The following CLSTN3 variants were observed in gnomAD, a reference collection of about 807,000 sequenced individuals.
CLSTN3 encodes calsyntenin-3.
CLSTN3 carries 36 observed loss-of-function variants against 95.9 expected under a neutral mutation model. The ratio of observed to expected loss-of-function variants is 0.38; its 90% CI spans 0.29 to 0.50. The LOEUF is 0.50. CLSTN3 is among the 20% of genes least tolerant of loss of function. The pLI, the probability that CLSTN3 is intolerant of heterozygous loss-of-function variation, is 0.95. For missense variants in CLSTN3, 1,084 were observed against 1,268.8 expected, an observed-to-expected ratio of 0.85 and a Z score of 2.21; for synonymous variants, 481 against 504.0, an observed-to-expected ratio of 0.95 and a Z score of 0.61.
At position 7,135,718 on chromosome 12, in the gene CLSTN3, C is replaced by T; in HGVS notation, c.593-86C>T. Reference sequence around the variant, plus strand: ...AGCGTCCTGCTGCCTAACCTGCCTGCTGCCCGATGATCTCAGACATCCTCC... The same window carrying T: ...AGCGTCCTGCTGCCTAACCTGCCTGTTGCCCGATGATCTCAGACATCCTCC... On this transcript the variant is annotated intron_variant, in intron 4 of 17. Coordinates refer to ENST00000266546, the MANE Select transcript of CLSTN3 (RefSeq NM_014718.4). 2.0e-6 allele frequency: 3 copies of T among 1,492,886 alleles called. No individual in the cohort carries two copies. The South Asian group carries it at 3.9e-5, about 19-fold the overall frequency. The allele number at this position is 1,492,886 out of a possible 1,614,324, so 92.5% of individuals were successfully genotyped here. A position where few individuals can be genotyped will look rare whatever the true frequency, so the allele number is the denominator to read the frequency against.
Position 7,137,410 on chromosome 12 carries a change from A to C in CLSTN3, c.1210+300A>C. Reference sequence around the variant, plus strand: ...CCACCCCCCATCTCCACCTCCATTAAAGCCCCTCCATTGCAATGGGAAAGC... The same window carrying C: ...CCACCCCCCATCTCCACCTCCATTACAGCCCCTCCATTGCAATGGGAAAGC... On this transcript the variant is annotated intron_variant, in intron 7 of 17. Coordinates refer to ENST00000266546, the MANE Select transcript of CLSTN3 (RefSeq NM_014718.4). The surrounding 1 kb of genome is among the most constrained non-coding windows in gnomAD (Gnocchi z 4.4). 1 of 382,718 alleles carries C rather than the reference A, an allele frequency of 2.6e-6. No individual in the cohort carries two copies. The highest frequency in any genetic ancestry group is 4.9e-6 in the Non-Finnish European group (1 of 204,688). The allele number at this position is 382,718 out of a possible 1,614,324, so 23.7% of individuals were successfully genotyped here. A position where few individuals can be genotyped will look rare whatever the true frequency, so the allele number is the denominator to read the frequency against.
At chr12:7,139,297 C>A (rs1317171012) in intron 8 of CLSTN3, among the ~76,000 whole-genome samples, 9 of 152,136 alleles carry the variant, frequency 5.9e-5, no homozygotes, top group African/African-American at 2.2e-4. Flanking sequence ...TTGGGTGCTC[C>A]TGGGGGACCT....
chr12:7,156,603 G>A (rs7296261), intron 16 of CLSTN3: 259,287 of 456,306 alleles, frequency 0.57, 76,293 homozygotes, highest in Admixed American at 0.7. Flanking sequence ...GGCCTGGCTC[G>A]GGTGTGGGGC....
At position 7,141,438 on chromosome 12, in the gene CLSTN3, G is replaced by A. The variant is rs1387137818; in HGVS notation, c.1486+34G>A. On this transcript the variant is annotated intron_variant, in intron 9 of 17. Transcript: ENST00000266546. This position sits in a 1 kb window ranked among gnomAD's most constrained non-coding sequence, Gnocchi z 4.1. ...CTCAGTGAAGACTCCAGTGGTTCAG[G>A]ATTTGGGAAGGGAGGTAGGCTGGTG... 6 of 1,612,988 alleles carry A rather than the reference G, an allele frequency of 3.7e-6. No individual in the cohort carries two copies. The South Asian group carries it at 6.6e-5, about 18-fold the overall frequency.
At chr12:7,144,174 A>C (rs1294021445) in intron 12 of CLSTN3, among the ~76,000 whole-genome samples, 2 of 148,894 alleles carry the variant, frequency 1.3e-5, no homozygotes, top group Non-Finnish European at 3.0e-5. Flanking sequence ...CGGAGGTTTC[A>C]GTGAGCCGAG....
rs1342294164 is a variant in CLSTN3 at position 7,133,449 on chromosome 12, T to C, written c.188-124T>C. ...AGTTGCGTGTTTGATCATTAATGCT[T>C]TTGTGCCTACAGGAGAAGGGACAGG... On this transcript the variant is annotated intron_variant, in intron 2 of 17. Coordinates refer to ENST00000266546, the MANE Select transcript of CLSTN3 (RefSeq NM_014718.4). The surrounding 1 kb of genome is among the most constrained non-coding windows in gnomAD (Gnocchi z 4.7). The C allele has an allele frequency of 1.0e-6, 1 of 963,534 alleles. No individual in the cohort carries two copies. Among genetic ancestry groups the C allele is most frequent in the African/African-American group, 1.6e-5 (1 of 61,182 alleles). 59.7% of individuals were successfully genotyped at this position (963,534 alleles called of 1,614,324 possible).
chr12:7,135,729 T>C, intron 4 of CLSTN3, 75 bp from the exon 5 acceptor site: 1 of 1,519,954 alleles, frequency 6.6e-7, no homozygotes. Flanking sequence ...TGCCCGATGA[T>C]CTCAGACATC....
At position 7,130,668 on chromosome 12, in the gene CLSTN3, C is replaced by G; in HGVS notation, c.20C>G (p.Pro7Arg). Residue 7 changes from proline to arginine, a missense_variant, in exon 1 of 18, where the codon CCC becomes CGC. Transcript: ENST00000266546. ...CGCACCATGACCCTCCTGCTGCTGCCCCTTCTGCTGGCCTCTCTGCTCGCG... is the reference window on the plus strand; with the variant it reads ...CGCACCATGACCCTCCTGCTGCTGCGCCTTCTGCTGGCCTCTCTGCTCGCG... Reference protein sequence around the residue: MTLLLLPLLLASLLASC... With the variant: MTLLLLRLLLASLLASC... The G allele has an allele frequency of 6.4e-7, 1 of 1,573,604 alleles. No homozygotes were observed. Among genetic ancestry groups the G allele is most frequent in the East Asian group, 2.3e-5 (1 of 43,412 alleles).
At chr12:7,155,027 GC>G (rs1939791594) in intron 16 of CLSTN3, among the ~76,000 whole-genome samples, 1 of 151,822 alleles carries the variant, frequency 6.6e-6, no homozygotes, top group African/African-American at 2.4e-5. Context: ...CCCTGGGAGT[GC>G]GGGGGGCAGA....
At position 7,157,474 on chromosome 12, in the gene CLSTN3, G is replaced by A. The variant is rs372313641; in HGVS notation, c.2528-15G>A. ...GCCTAGTCACGCTCTGCTCACCCCC[G>A]CGCTCTCTCTGCAGTGATACCCAGC... On this transcript the variant is annotated splice_polypyrimidine_tract_variant and intron_variant, in intron 16 of 17. Transcript: ENST00000266546. The surrounding 1 kb of genome is among the most constrained non-coding windows in gnomAD (Gnocchi z 5.9). The A allele has an allele frequency of 4.1e-5, 63 of 1,552,650 alleles. No homozygotes were observed. In the African/African-American group the frequency reaches 4.8e-4, roughly 12 times the overall value.
Position 7,135,530 on chromosome 12 carries a change from A to G in CLSTN3, c.587A>G (p.Asn196Ser), listed in dbSNP as rs1939393914. ...LTPNTPFLID[N>S]DGNIENTEKL... ...CCCAACACCCCTTTCCTCATTGACA[A>G]TGACGGTGAGTCCACCCCTGGCTTC... Residue 196 changes from asparagine (N) to serine (S), a missense_variant, in exon 4 of 18, where the codon AAT becomes AGT. By Grantham distance (46) the Asn-to-Ser change is conservative. Transcript: ENST00000266546. The G allele has an allele frequency of 1.2e-6, 2 of 1,613,834 alleles. No homozygotes were observed. The highest frequency in any genetic ancestry group is 1.7e-5 in the Admixed American group (1 of 59,980).
At chr12:7,132,164 A>G (rs1168723807) in intron 1 of CLSTN3, among the ~76,000 whole-genome samples, 2 of 152,128 alleles carry the variant, frequency 1.3e-5, no homozygotes, top group Non-Finnish European at 2.9e-5. Context: ...CTGGTGGTTG[A>G]AGGGAAGAGG....
intron 12 of CLSTN3, among the ~76,000 whole-genome samples, chr12:7,145,068 C>G (rs1051155916): frequency 2.6e-5 from 4 of 152,146 alleles, no homozygotes; most frequent in African/African-American, 4.8e-5. Context: ...AGGGAGGGCT[C>G]TGGTTTTTGG....
intron 12 of CLSTN3, among the ~76,000 whole-genome samples, chr12:7,148,340 C>G (rs1377446278): frequency 6.6e-6 from 1 of 152,188 alleles, no homozygotes; most frequent in Non-Finnish European, 1.5e-5. Flanking sequence ...GTTGGTTGGT[C>G]TGGCTCAACA....
intron 12 of CLSTN3, 57 bp from the exon 13 acceptor site, chr12:7,148,915 G>C: frequency 6.8e-7 from 1 of 1,465,916 alleles, no homozygotes; most frequent in South Asian, 1.2e-5. Flanking sequence ...ACAGAATGTG[G>C]GTTTTCGGGG....
Position 7,130,628 on chromosome 12 carries a change from T to C in CLSTN3, c.-21T>C. 6.4e-7 allele frequency: 1 copy of C among 1,558,720 alleles called. No individual in the cohort carries two copies. The highest frequency in any genetic ancestry group is 1.2e-5 in the South Asian group (1 of 84,766). On this transcript the variant is annotated 5_prime_UTR_variant, in exon 1 of 18. Coordinates refer to ENST00000266546, the MANE Select transcript of CLSTN3 (RefSeq NM_014718.4). ...CCCAGGGGAGGCAAACGCCTGGCCC[T>C]GCCCTGCCCCACGCCGCACCATGAC...
At chr12:7,140,490 T>C (rs958735021) in intron 8 of CLSTN3, among the ~76,000 whole-genome samples, 1 of 152,118 alleles carries the variant, frequency 6.6e-6, no homozygotes, top group Non-Finnish European at 1.5e-5. Context: ...GTCTGAGCCT[T>C]GAGGGACCCC....
chr12:7,140,277 G>A (rs1425755997), intron 8 of CLSTN3, among the ~76,000 whole-genome samples: 1 of 152,178 alleles, frequency 6.6e-6, no homozygotes, highest in African/African-American at 2.4e-5. Context: ...AGTTGGGAAA[G>A]GGCATGGACT....
At position 7,135,376 on chromosome 12, in the gene CLSTN3, T is replaced by TA; in HGVS notation, c.433_434insA (p.Phe145TyrfsTer26). On this transcript the variant is annotated frameshift_variant, in exon 4 of 18. Coordinates refer to ENST00000266546, the MANE Select transcript of CLSTN3 (RefSeq NM_014718.4). LOFTEE classifies it high-confidence loss of function. Reference sequence around the variant, plus strand: ...CGATGTGAACGAGTTTGCCCCAGTGTTTGTGGAACGGCTGTATCGTGCGGC... The same window carrying TA: ...CGATGTGAACGAGTTTGCCCCAGTGTATTGTGGAACGGCTGTATCGTGCGGC... 1 of 1,614,140 alleles carries TA rather than the reference T, an allele frequency of 6.2e-7. No homozygotes were observed. The highest frequency in any genetic ancestry group is 8.5e-7 in the Non-Finnish European group (1 of 1,180,012).
Sources: gnomAD v4.1 joint callset for allele counts (sites outside exome capture counted in the v4.1 genomes callset) on GRCh38, gnomAD v4.1.1 for gene constraint, Gnocchi (gnomAD v3.1) non-coding constraint, MANE v1.5 for transcripts, NCBI Gene and HGNC (gene_info 2026-07-23, HGNC 2026-07-21) for gene names.